NLN: variants seen among roughly 807,000 people sequenced by gnomAD.
NLN encodes the protein neurolysin, also known as neurolysin, mitochondrial.
NLN carries 64 observed loss-of-function variants against 79.9 expected under a neutral mutation model. The observed-to-expected ratio is 0.80, with a 90% confidence interval of 0.65 to 0.99. The LOEUF is 0.99. Ranked by LOEUF, NLN falls within the 50% of genes least tolerant of loss-of-function variation. The pLI is 0.00. For synonymous variants in NLN, 267 were observed against 296.6 expected, an observed-to-expected ratio of 0.90 and a Z score of 1.02; for missense variants, 835 against 858.7, an observed-to-expected ratio of 0.97 and a Z score of 0.34.
At chr5:65,758,321 A>G (rs34983) in intron 1 of NLN, among the ~76,000 whole-genome samples, 34,144 of 152,086 alleles carry the variant, frequency 0.22, 4,488 homozygotes, top group South Asian at 0.36. Flanking sequence ...TATCTATATG[A>G]TTTAATTACA....
intron 1 of NLN, among the ~76,000 whole-genome samples, chr5:65,750,305 T>A (rs992991944): frequency 3.3e-5 from 5 of 152,274 alleles, no homozygotes; most frequent in African/African-American, 1.2e-4. Context: ...TTTTATTTTA[T>A]TTACTCATAA....
At chr5:65,753,688 G>A (rs1759153298) in intron 1 of NLN, among the ~76,000 whole-genome samples, 1 of 151,554 alleles carries the variant, frequency 6.6e-6, no homozygotes, top group African/African-American at 2.4e-5. Flanking sequence ...TGATACTAAT[G>A]GAAATTTGTC....
At chr5:65,785,037 G>GTA (rs1011129678) in intron 6 of NLN, among the ~76,000 whole-genome samples, 3 of 152,110 alleles carry the variant, frequency 2.0e-5, no homozygotes, top group African/African-American at 4.8e-5. Flanking sequence ...ATATTCCATT[G>GTA]TATATATATA....
intron 1 of NLN, among the ~76,000 whole-genome samples, chr5:65,738,053 C>A (rs753120209): frequency 6.7e-6 from 1 of 150,306 alleles, no homozygotes; most frequent in East Asian, 2.0e-4. Flanking sequence ...GCTTGCACCT[C>A]GGGAGGCGGA....
chr5:65,737,228 C>T (rs898133471), intron 1 of NLN, among the ~76,000 whole-genome samples: 1 of 152,130 alleles, frequency 6.6e-6, no homozygotes, highest in African/African-American at 2.4e-5. Flanking sequence ...ACTGCTCCTG[C>T]CCTCATGGGT....
intron 9 of NLN, among the ~76,000 whole-genome samples, chr5:65,803,693 C>A (rs962860419): frequency 6.6e-6 from 1 of 152,042 alleles, no homozygotes; most frequent in Non-Finnish European, 1.5e-5. Context: ...GAGGGTAGGG[C>A]TCCTGCCTGC....
chr5:65,753,736 G>C (rs1759154067), intron 1 of NLN, among the ~76,000 whole-genome samples: 1 of 151,770 alleles, frequency 6.6e-6, no homozygotes. Context: ...GTGGTGAAAA[G>C]AACAGGGTGT....
chr5:65,779,553 G>T (rs764995937), intron 4 of NLN, among the ~76,000 whole-genome samples: 2 of 152,130 alleles, frequency 1.3e-5, no homozygotes, highest in Non-Finnish European at 2.9e-5. Context: ...TTCATAACCA[G>T]ATGCTGATTA....
In NLN at chr5:65,803,003, C is replaced by T. The variant is rs1055980063; in HGVS notation, c.1528-6512C>T. On this transcript the variant is annotated intron_variant, in intron 9 of 12. Transcript: ENST00000380985. ...GCTCAGCTGTCAGCAGAGAGGAGAC[C>T]CTGGAGTGGGTAGCTCCTCTCTGCA... 2.6e-5 allele frequency among the ~76,000 whole-genome samples: 4 copies of T among 152,178 alleles called. No individual in the cohort carries two copies. In the East Asian group the frequency reaches 7.7e-4, roughly 29 times the overall value.
At chr5:65,778,654 T>C (rs1450180608) in intron 4 of NLN, among the ~76,000 whole-genome samples, 1 of 152,190 alleles carries the variant, frequency 6.6e-6, no homozygotes, top group Non-Finnish European at 1.5e-5. Context: ...AACTAGAAGG[T>C]CGAGGGGTCG....
intron 2 of NLN, among the ~76,000 whole-genome samples, chr5:65,760,805 T>C (rs1183141957): frequency 6.6e-6 from 1 of 152,230 alleles, no homozygotes; most frequent in East Asian, 1.9e-4. Context: ...CTTACAGATG[T>C]GAGCCACCAT....
chr5:65,743,714 T>C (rs1307604998), intron 1 of NLN, among the ~76,000 whole-genome samples: 4 of 152,230 alleles, frequency 2.6e-5, no homozygotes, highest in Non-Finnish European at 2.9e-5. Flanking sequence ...TATTCAGAAC[T>C]GTCTTTAAGC....
chr5:65,729,281 A>G (rs1047271291), intron 1 of NLN, among the ~76,000 whole-genome samples: 7 of 152,188 alleles, frequency 4.6e-5, no homozygotes, highest in African/African-American at 1.7e-4. Flanking sequence ...AAAATCTAGT[A>G]AAGAAAGGGT....
intron 1 of NLN, 45 bp from the exon 2 acceptor site, chr5:65,758,510 GTTGACTTTGGAC>G: frequency 8.0e-7 from 1 of 1,252,592 alleles, no homozygotes; most frequent in Non-Finnish European, 1.1e-6. Context: ...ACATTCATAT[GTTGACTTTGGAC>G]CAACAGAAAT....
At chr5:65,738,351 A>T (rs1218650564) in intron 1 of NLN, among the ~76,000 whole-genome samples, 4 of 152,068 alleles carry the variant, frequency 2.6e-5, no homozygotes, top group Admixed American at 2.6e-4. Flanking sequence ...TAGGAGGATG[A>T]GGCAGGAGGA....
rs923768902 is a variant in NLN, at chr5:65,759,310, G to A, written c.301+484G>A. On this transcript the variant is annotated intron_variant, in intron 2 of 12. Coordinates refer to ENST00000380985, the MANE Select transcript of NLN (RefSeq NM_020726.5). ...CAGTATTTAATGACATGGGGAAAAG[G>A]ACACAGAAGAACTGGAAGAAAATAA... is the stretch of plus-strand genomic sequence containing the variant. 4.6e-5 allele frequency among the ~76,000 whole-genome samples: 7 copies of A among 152,064 alleles called. No individual in the cohort carries two copies. In the East Asian group the frequency reaches 1.3e-3, roughly 29 times the overall value.
chr5:65,726,330 T>C (rs1179377588), intron 1 of NLN, among the ~76,000 whole-genome samples: 1 of 152,208 alleles, frequency 6.6e-6, no homozygotes, highest in Admixed American at 6.5e-5. Flanking sequence ...ATTAAGGATA[T>C]TCTAAAATGA....
intron 5 of NLN, among the ~76,000 whole-genome samples, 158 bp from the exon 6 acceptor site, chr5:65,781,103 C>G (rs1188150132): frequency 1.3e-5 from 2 of 152,172 alleles, no homozygotes; most frequent in African/African-American, 4.8e-5. Flanking sequence ...CACCCCAATT[C>G]CAGCAACATC....
chr5:65,742,892 GCTTTATTTA>G (rs1758902124), intron 1 of NLN, among the ~76,000 whole-genome samples: 1 of 151,986 alleles, frequency 6.6e-6, no homozygotes, highest in Non-Finnish European at 1.5e-5. Context: ...TTTATTATTT[GCTTTATTTA>G]CTTGGTGTCT....
Sources: allele counts gnomAD v4.1 joint callset (sites outside exome capture counted in the v4.1 genomes callset), GRCh38; gene constraint gnomAD v4.1.1; transcripts MANE v1.5; gene names NCBI Gene and HGNC (gene_info 2026-07-23, HGNC 2026-07-21).